The following SMG9 variants were observed in gnomAD, a reference collection of about 807,000 sequenced individuals.
SMG9 encodes SMG9 nonsense mediated mRNA decay factor, also known as nonsense-mediated mRNA decay factor SMG9.
A neutral mutation model predicts 64.0 loss-of-function variants in SMG9; 55 were observed. The ratio of observed to expected loss-of-function variants is 0.86; its 90% CI spans 0.69 to 1.08. SMG9 has a LOEUF of 1.08. SMG9 is among the 50% of genes least tolerant of loss of function. The pLI, the probability that SMG9 is intolerant of heterozygous loss-of-function variation, is 0.00. For missense variants in SMG9, 554 were observed against 681.3 expected (o/e 0.81, Z 2.08); for synonymous variants, 244 against 254.8 (o/e 0.96, Z 0.41).
chr19:43,731,717 C>T (rs371013173), intron 13 of SMG9, 43 bp from the exon 14 acceptor site: 5 of 1,613,456 alleles, frequency 3.1e-6, no homozygotes, highest in Non-Finnish European at 4.2e-6. Flanking sequence ...CCGGGGCTCC[C>T]CCCAGCCCAG....
Position 43,742,005 on chromosome 19 carries a change from G to A in SMG9, c.702-1787C>T, listed in dbSNP as rs572250863. On this transcript the variant is annotated intron_variant, in intron 6 of 13. Transcript: ENST00000270066. ...TCTATTAAAAATACAAAAATTAGCC[G>A]GATGTGGTGGTGCACGCCTGTAATC... Among the ~76,000 whole-genome samples, 28 of 152,134 alleles carry A rather than the reference G, an allele frequency of 1.8e-4. No homozygotes were observed. In the East Asian group the frequency reaches 3.1e-3, roughly 17 times the overall value.
intron 5 of SMG9, among the ~76,000 whole-genome samples, chr19:43,745,197 G>A (rs1335120847): frequency 2.6e-5 from 4 of 152,226 alleles, no homozygotes; most frequent in Non-Finnish European, 1.5e-5. Flanking sequence ...TCTGATCTTG[G>A]AGAAGTGAAA....
chr19:43,747,665 C>A lies in SMG9; in HGVS notation c.458G>T (p.Gly153Val), dbSNP rs1355998209. The A allele has an allele frequency of 3.7e-6, 6 of 1,612,800 alleles. No homozygotes were observed. The highest frequency in any genetic ancestry group is 5.1e-6 in the Non-Finnish European group (6 of 1,179,418). ...GGCTGCTGGTGCGGCAGTGCCCATG[C>A]CCCGGTTCTGGATCTGGTACACAGG... ...TQPVYQIQNRGMGTAAPAAMD... is the reference protein window; with the variant it reads ...TQPVYQIQNRVMGTAAPAAMD... The change falls in exon 4 of 14, where the codon GGC becomes GTC. Residue 153 changes from glycine to valine, a missense_variant. By Grantham distance (109) the Gly-to-Val change is moderately radical (BLOSUM62 -3). Transcript: ENST00000270066.
intron 12 of SMG9, 34 bp downstream of exon 12, chr19:43,733,290 T>C (rs771792391): frequency 6.2e-7 from 1 of 1,611,052 alleles, no homozygotes; most frequent in East Asian, 2.2e-5. Flanking sequence ...GGATAGGACT[T>C]GTCTCTCCAT....
At chr19:43,753,035 G>A (rs867729595) in intron 1 of SMG9, among the ~76,000 whole-genome samples, 3 of 151,760 alleles carry the variant, frequency 2.0e-5, no homozygotes, top group East Asian at 1.9e-4. Flanking sequence ...AGGTCCCTCC[G>A]AGACTCTCCA....
rs753670450 is a variant in SMG9 at position 43,740,237 on chromosome 19, A to AG, written c.702-20dup. On this transcript the variant is annotated intron_variant, in intron 6 of 13. Coordinates refer to ENST00000270066, the MANE Select transcript of SMG9 (RefSeq NM_019108.4). ...ATAAGTCCTGTGGAGAGGAGCAGGC[A>AG]GGGGTGTGTGAGAGCTCTGGTTCTC... 1.3e-6 allele frequency: 2 copies of AG among 1,569,646 alleles called. No homozygotes were observed. The highest frequency in any genetic ancestry group is 1.8e-6 in the Non-Finnish European group (2 of 1,139,794).
intron 7 of SMG9, among the ~76,000 whole-genome samples, 177 bp from the exon 8 acceptor site, chr19:43,738,394 T>C (rs1968743027): frequency 6.6e-6 from 1 of 152,168 alleles, no homozygotes; most frequent in Non-Finnish European, 1.5e-5. Context: ...CTTTTCCAGC[T>C]CCTTTACAAA....
At chr19:43,733,081 A>G in intron 12 of SMG9, 79 bp from the exon 13 acceptor site, 2 of 1,509,800 alleles carry the variant, frequency 1.3e-6, no homozygotes, top group Non-Finnish European at 1.8e-6. Flanking sequence ...CTGGGCTTCA[A>G]GGAGCACCTG....
chr19:43,735,906 C>T (rs1968650815), intron 9 of SMG9, among the ~76,000 whole-genome samples: 1 of 152,304 alleles, frequency 6.6e-6, no homozygotes, highest in African/African-American at 2.4e-5. Flanking sequence ...ATGTAAACTC[C>T]CCAAGGAGTT....
intron 2 of SMG9, 51 bp downstream of exon 2, chr19:43,750,541 G>A (rs760629712): frequency 6.4e-7 from 1 of 1,560,012 alleles, no homozygotes; most frequent in Non-Finnish European, 8.7e-7. Flanking sequence ...CATGGCAGGT[G>A]CGTGGAACCA....
rs1052916834 is a variant in SMG9, at chr19:43,742,070, C to A, written c.702-1852G>T. 5.3e-5 allele frequency among the ~76,000 whole-genome samples: 8 copies of A among 152,292 alleles called. No individual in the cohort carries two copies. The East Asian group carries it at 1.5e-3, about 29-fold the overall frequency. On this transcript the variant is annotated intron_variant, in intron 6 of 13. Transcript: ENST00000270066. ...GGCTGAGGCAGGAGAATTGCCTAAACCTAGGAGATAGAGGTTGCAGTAAGC... is the reference window on the plus strand; with the variant it reads ...GGCTGAGGCAGGAGAATTGCCTAAAACTAGGAGATAGAGGTTGCAGTAAGC...
chr19:43,735,882 A>G (rs902330466), intron 9 of SMG9, among the ~76,000 whole-genome samples: 8 of 152,192 alleles, frequency 5.3e-5, no homozygotes, highest in African/African-American at 1.9e-4. Flanking sequence ...GCCTGAGCCA[A>G]TACTCCTACC....
At chr19:43,737,198 A>G (rs1330392215) in intron 9 of SMG9, among the ~76,000 whole-genome samples, 1 of 152,156 alleles carries the variant, frequency 6.6e-6, no homozygotes, top group African/African-American at 2.4e-5. Flanking sequence ...ACTTGAACCC[A>G]GAAGATGGAG....
intron 5 of SMG9, among the ~76,000 whole-genome samples, chr19:43,745,974 C>G (rs1968988638): frequency 6.6e-6 from 1 of 151,950 alleles, no homozygotes; most frequent in African/African-American, 2.4e-5. Flanking sequence ...GCACTCCAGC[C>G]TGGGCAACAG....
chr19:43,733,769 C>T, intron 10 of SMG9, 36 bp from the exon 11 acceptor site: 3 of 1,551,180 alleles, frequency 1.9e-6, no homozygotes, highest in Non-Finnish European at 1.8e-6. Flanking sequence ...GTCAGGCAGA[C>T]ATCGCTTGGC....
chr19:43,734,804 T>C (rs1968605021), intron 9 of SMG9: 1 of 242,348 alleles, frequency 4.1e-6, no homozygotes, highest in Admixed American at 5.2e-5. Flanking sequence ...ACACAACCCC[T>C]GCACATGCAC....
chr19:43,750,826 CCCTT>C, intron 1 of SMG9, 79 bp from the exon 2 acceptor site: 9 of 1,305,260 alleles, frequency 6.9e-6, no homozygotes, highest in Non-Finnish European at 9.3e-6. Flanking sequence ...TATACGAAGT[CCCTT>C]CTTTCTTTTT....
intron 1 of SMG9, among the ~76,000 whole-genome samples, chr19:43,753,663 G>A (rs1359602224): frequency 1.3e-5 from 2 of 151,986 alleles, no homozygotes; most frequent in Non-Finnish European, 2.9e-5. Context: ...GTTTCGCCAT[G>A]TTGGCCAGGC....
At position 43,731,540 on chromosome 19, in the gene SMG9, C is replaced by T; in HGVS notation, c.*56G>A. The T allele has an allele frequency of 6.2e-7, 1 of 1,611,184 alleles. No homozygotes were observed. The highest frequency in any genetic ancestry group is 1.7e-4 in the Middle Eastern group (1 of 6,046). On this transcript the variant is annotated 3_prime_UTR_variant, in exon 14 of 14. Transcript: ENST00000270066. ...AGCGGGGGATGGACATCTGTGCTCC[C>T]TCGCAGTACACTGCGGACCCAGGAG...
Sources: allele counts gnomAD v4.1 joint callset (sites outside exome capture counted in the v4.1 genomes callset), GRCh38; gene constraint gnomAD v4.1.1; transcripts MANE v1.5; gene names NCBI Gene and HGNC (gene_info 2026-07-23, HGNC 2026-07-21).